TENM4: variants seen among roughly 807,000 people sequenced by gnomAD.
The protein encoded by TENM4 is teneurin-4.
In TENM4, 82 loss-of-function variants were observed where a neutral mutation model predicts 243.3. That is an observed-to-expected ratio of 0.34 (90% CI 0.28 to 0.40). The LOEUF is 0.40. TENM4 is among the 10% of genes least tolerant of loss of function. The probability of loss-of-function intolerance (pLI) is 1.00; values close to 1 mark genes in which losing one functional copy is unlikely to be tolerated. For missense variants in TENM4, 3,138 were observed against 3,673.3 expected (o/e 0.85, Z 3.77); for synonymous variants, 1,412 against 1,456.3 (o/e 0.97, Z 0.69).
chr11:79,138,956 C>A (rs1352862031), intron 4 of TENM4, among the ~76,000 whole-genome samples: 410 of 80,058 alleles, frequency 5.1e-3, no homozygotes, highest in African/African-American at 0.012. Context: ...TATTATATTT[C>A]CATAAATATA....
At chr11:79,148,130 G>C (rs920219633) in intron 4 of TENM4, among the ~76,000 whole-genome samples, 6 of 152,100 alleles carry the variant, frequency 3.9e-5, no homozygotes, top group Admixed American at 2.0e-4. Context: ...AAGATCACTG[G>C]AGGTGCTCTG....
chr11:79,398,947 T>C (rs533581482), intron 1 of TENM4, among the ~76,000 whole-genome samples: 2 of 152,010 alleles, frequency 1.3e-5, no homozygotes, highest in Admixed American at 6.5e-5. Flanking sequence ...AGTGAATGCA[T>C]TCCAAGCAGA....
intron 17 of TENM4, among the ~76,000 whole-genome samples, chr11:78,772,021 T>C (rs1405407015): frequency 6.6e-6 from 1 of 152,182 alleles, no homozygotes; most frequent in Admixed American, 6.5e-5. Flanking sequence ...GCAAAAAATT[T>C]AACTGCTAAA....
intron 2 of TENM4, among the ~76,000 whole-genome samples, chr11:79,297,261 C>T (rs1856470651): frequency 6.6e-6 from 1 of 152,206 alleles, no homozygotes; most frequent in Non-Finnish European, 1.5e-5. Flanking sequence ...CACAGACTCA[C>T]CTGTTAAACA....
At chr11:79,272,393 A>G (rs1017636716) in intron 2 of TENM4, among the ~76,000 whole-genome samples, 1 of 152,252 alleles carries the variant, frequency 6.6e-6, no homozygotes, top group Non-Finnish European at 1.5e-5. Flanking sequence ...CATTTATTTC[A>G]TCTATAAAGA....
At chr11:78,811,588 A>ACACACACG (rs1857503415) in intron 14 of TENM4, among the ~76,000 whole-genome samples, 1 of 152,106 alleles carries the variant, frequency 6.6e-6, no homozygotes, top group African/African-American at 2.4e-5. Flanking sequence ...ACACACACAC[A>ACACACACG]CACACACACA....
intron 4 of TENM4, among the ~76,000 whole-genome samples, chr11:79,099,605 T>G (rs1861170937): frequency 6.6e-6 from 1 of 152,238 alleles, no homozygotes; most frequent in Non-Finnish European, 1.5e-5. Flanking sequence ...TCCCCTTTAA[T>G]TTTTCAGTAG....
chr11:79,344,224 A>C (rs1857289175), intron 1 of TENM4, among the ~76,000 whole-genome samples: 1 of 152,178 alleles, frequency 6.6e-6, no homozygotes, highest in African/African-American at 2.4e-5. Context: ...TTCCAGGCTA[A>C]GTACTCCTGA....
At chr11:79,407,020 C>T (rs1001196888) in intron 1 of TENM4, among the ~76,000 whole-genome samples, 3 of 152,178 alleles carry the variant, frequency 2.0e-5, no homozygotes, top group Non-Finnish European at 4.4e-5. Flanking sequence ...GAGACAGTTT[C>T]CTGCCCCTGA....
At chr11:79,341,371 C>T (rs1317497021) in intron 1 of TENM4, among the ~76,000 whole-genome samples, 5 of 152,128 alleles carry the variant, frequency 3.3e-5, no homozygotes, top group African/African-American at 7.2e-5. Context: ...TATCCAGTGC[C>T]CTCCACGTGC....
At chr11:78,887,330 T>C (rs376226427) in intron 9 of TENM4, among the ~76,000 whole-genome samples, 3 of 152,322 alleles carry the variant, frequency 2.0e-5, no homozygotes, top group South Asian at 4.1e-4. Flanking sequence ...ACATCACCTT[T>C]CCCAGGAAGC....
chr11:79,023,719 CGT>C (rs1334306549), intron 6 of TENM4, among the ~76,000 whole-genome samples: 4 of 152,096 alleles, frequency 2.6e-5, no homozygotes, highest in Non-Finnish European at 4.4e-5. Context: ...TAAAGAGAAG[CGT>C]GTGCTCTAGG....
Position 78,669,509 on chromosome 11 carries a change from T to C in TENM4, c.6836A>G (p.Lys2279Arg), listed in dbSNP as rs1449930684. 6.2e-7 allele frequency: 1 copy of C among 1,613,942 alleles called. No homozygotes were observed. Residue 2279 changes from lysine to arginine, a missense_variant, in exon 32 of 34, where the codon AAG becomes AGG. Lys to Arg is a conservative substitution (Grantham distance 26). Transcript: ENST00000278550. The surrounding 1 kb of genome is among the most constrained non-coding windows in gnomAD (Gnocchi z 6.4). ...CCAGCTGCCAGCCCGGTTGTAGGCCTTGATGAGCAGGCCAGCTGAGTTGTA... is the reference window on the plus strand; with the variant it reads ...CCAGCTGCCAGCCCGGTTGTAGGCCCTGATGAGCAGGCCAGCTGAGTTGTA... ...FEYNSAGLLI[K>R]AYNRAGSWSV...
intron 1 of TENM4, among the ~76,000 whole-genome samples, chr11:79,378,102 C>G (rs192168403): frequency 5.1e-4 from 78 of 152,254 alleles, no homozygotes; most frequent in African/African-American, 1.7e-3. Context: ...TAAAAAAAGG[C>G]AAATTAAAGT....
intron 3 of TENM4, among the ~76,000 whole-genome samples, chr11:79,194,899 C>T (rs1334411531): frequency 6.6e-6 from 1 of 152,146 alleles, no homozygotes; most frequent in East Asian, 1.9e-4. Flanking sequence ...ACCTTCACAG[C>T]AGCCCCTCCC....
intron 1 of TENM4, among the ~76,000 whole-genome samples, chr11:79,329,864 A>G (rs191212090): frequency 1.5e-3 from 226 of 152,292 alleles, no homozygotes; most frequent in Middle Eastern, 3.4e-3. Context: ...GTTTTAAAGA[A>G]GGGAATGACA....
chr11:79,364,795 G>C (rs1857648397), intron 1 of TENM4, among the ~76,000 whole-genome samples: 1 of 152,154 alleles, frequency 6.6e-6, no homozygotes, highest in Non-Finnish European at 1.5e-5. Context: ...CTGTGGTCCT[G>C]TCTACTGTAC....
chr11:79,382,285 G>A (rs1182919179), intron 1 of TENM4, among the ~76,000 whole-genome samples: 1 of 152,150 alleles, frequency 6.6e-6, no homozygotes, highest in Non-Finnish European at 1.5e-5. Flanking sequence ...GATTAGAGGT[G>A]GTGGTCTCTG....
intron 4 of TENM4, among the ~76,000 whole-genome samples, chr11:79,124,993 G>A (rs1441428790): frequency 1.3e-5 from 2 of 150,440 alleles, no homozygotes; most frequent in Non-Finnish European, 2.9e-5. Flanking sequence ...GACCAGGAGT[G>A]GTTCTAGAGA....
Sources: allele counts gnomAD v4.1 joint callset (sites outside exome capture counted in the v4.1 genomes callset), GRCh38; gene constraint gnomAD v4.1.1; non-coding constraint Gnocchi (gnomAD v3.1); transcripts MANE v1.5; gene names NCBI Gene and HGNC (gene_info 2026-07-23, HGNC 2026-07-21).